Variants in AFAP1L2 observed in about 807,000 individuals in gnomAD.
AFAP1L2 encodes the protein actin filament-associated protein 1-like 2.
In AFAP1L2, 46 loss-of-function variants were observed where a neutral mutation model predicts 99.3. That is an observed-to-expected ratio of 0.46 (90% CI 0.37 to 0.59). The LOEUF (loss-of-function observed/expected upper bound fraction) is 0.59. AFAP1L2 is among the 20% of genes least tolerant of loss of function. The pLI is 0.00. For synonymous variants in AFAP1L2, 397 were observed against 419.1 expected, an observed-to-expected ratio of 0.95 and a Z score of 0.64; for missense variants, 959 against 1,034.9, an observed-to-expected ratio of 0.93 and a Z score of 1.01.
chr10:114,285,672 C>A, the AFAP1L2 span, among the ~76,000 whole-genome samples: 1 of 152,212 alleles, frequency 6.6e-6, no homozygotes, highest in Non-Finnish European at 1.5e-5. Flanking sequence ...TCAGGACACA[C>A]ACAGGACTAA....
downstream of AFAP1L2, among the ~76,000 whole-genome samples, chr10:114,292,183 A>G (rs1262269340): frequency 6.6e-6 from 1 of 152,088 alleles, no homozygotes; most frequent in African/African-American, 2.4e-5. Context: ...AGGCTGAGAC[A>G]GGAGAATGGC....
At chr10:114,393,374 C>T (rs897132558) in intron 1 of AFAP1L2, 4 of 152,202 alleles carry the variant, frequency 2.6e-5, no homozygotes, top group Non-Finnish European at 5.9e-5. Flanking sequence ...ATTGGTGAGC[C>T]CCTGTTCTCA....
In AFAP1L2 at chr10:114,297,065, ACAGT is replaced by A; in HGVS notation, c.2339_2342del (p.Asp780ValfsTer78). ...GTGTGGTTGCAGAGTTGACTGGGGT[ACAGT>A]CTGGGGCAGAGGCAGGTGTGACAGC... On this transcript the variant is annotated frameshift_variant, in exon 18 of 19. Coordinates refer to ENST00000304129, the MANE Select transcript of AFAP1L2 (RefSeq NM_001001936.3). LOFTEE classifies it high-confidence loss of function. 6.2e-7 allele frequency: 1 copy of A among 1,614,138 alleles called. No homozygotes were observed. The highest frequency in any genetic ancestry group is 8.5e-7 in the Non-Finnish European group (1 of 1,180,022).
At chr10:114,284,088 A>G in the AFAP1L2 span, among the ~76,000 whole-genome samples, 1 of 152,200 alleles carries the variant, frequency 6.6e-6, no homozygotes, top group African/African-American at 2.4e-5. Flanking sequence ...ATAATTGATA[A>G]GGAAAGCAAT....
At chr10:114,400,340 A>C (rs887289664) in intron 1 of AFAP1L2, among the ~76,000 whole-genome samples, 8 of 152,140 alleles carry the variant, frequency 5.3e-5, no homozygotes, top group Non-Finnish European at 1.0e-4. Flanking sequence ...TTGGCCTTTC[A>C]GCACCAAAAG....
chr10:114,375,973 CA>C (rs951386432), intron 1 of AFAP1L2, among the ~76,000 whole-genome samples: 4 of 151,934 alleles, frequency 2.6e-5, no homozygotes, highest in African/African-American at 9.7e-5. Context: ...ACAAAAAATA[CA>C]AAAAAACAAA....
At chr10:114,328,645 G>A (rs1484311812) in intron 4 of AFAP1L2, among the ~76,000 whole-genome samples, 1 of 152,210 alleles carries the variant, frequency 6.6e-6, no homozygotes, top group Non-Finnish European at 1.5e-5. Context: ...GGCTAGCATG[G>A]CCATGGGGTT....
At chr10:114,362,828 G>T in intron 1 of AFAP1L2, 3 of 631,398 alleles carry the variant, frequency 4.8e-6, no homozygotes, top group Non-Finnish European at 5.9e-6. Flanking sequence ...TTTTCCACTG[G>T]ATTATAAGAA....
chr10:114,353,440 A>G (rs1032424512), intron 1 of AFAP1L2, among the ~76,000 whole-genome samples: 1 of 152,194 alleles, frequency 6.6e-6, no homozygotes, highest in Admixed American at 6.5e-5. Flanking sequence ...CTACTAGCAC[A>G]TTGTTGGACC....
intron 9 of AFAP1L2, 74 bp from the exon 10 acceptor site, chr10:114,307,983 A>C (rs2042676156): frequency 7.5e-7 from 1 of 1,336,294 alleles, no homozygotes; most frequent in African/African-American, 1.4e-5. Context: ...TGGAAAAAAT[A>C]GCAAACCCAT....
intron 1 of AFAP1L2, among the ~76,000 whole-genome samples, chr10:114,357,815 T>C (rs559269411): frequency 6.6e-6 from 1 of 152,336 alleles, no homozygotes; most frequent in African/African-American, 2.4e-5. Flanking sequence ...AATCAACCAT[T>C]AGTCAATCAG....
At chr10:114,379,392 C>CA (rs2055291866) in intron 1 of AFAP1L2, among the ~76,000 whole-genome samples, 1 of 152,022 alleles carries the variant, frequency 6.6e-6, no homozygotes, top group Admixed American at 6.6e-5. Context: ...ACAAAGTCAG[C>CA]AAAATTGGGA....
In AFAP1L2 at chr10:114,389,257, A is replaced by AT. The variant is rs541345277; in HGVS notation, c.16+15182dup. Among the ~76,000 whole-genome samples, 7 of 152,148 alleles carry AT rather than the reference A, an allele frequency of 4.6e-5. No homozygotes were observed. The South Asian group carries it at 6.2e-4, about 14-fold the overall frequency. ...ATGGACCTCTGAATCTCAAAAAAGG[A>AT]TTTTTTTAAAAAAGAAAGCAACTAT... On this transcript the variant is annotated intron_variant, in intron 1 of 18. Transcript: ENST00000304129.
intron 1 of AFAP1L2, among the ~76,000 whole-genome samples, chr10:114,400,187 G>A (rs2138417669): frequency 6.6e-6 from 1 of 152,344 alleles, no homozygotes; most frequent in South Asian, 2.1e-4. Context: ...AAGGGAATTG[G>A]AAGAAAACTG....
At chr10:114,335,612 C>CAAAA (rs57598926) in intron 2 of AFAP1L2, among the ~76,000 whole-genome samples, 2 of 131,904 alleles carry the variant, frequency 1.5e-5, no homozygotes, top group Non-Finnish European at 3.2e-5. Flanking sequence ...GACTCCGTCT[C>CAAAA]AAAAAAAAAA....
intron 1 of AFAP1L2, among the ~76,000 whole-genome samples, chr10:114,402,946 CA>C (rs2058362074): frequency 6.6e-6 from 1 of 152,222 alleles, no homozygotes. Flanking sequence ...CCTGAATTCC[CA>C]GAGAGGGTCC....
intron 4 of AFAP1L2, among the ~76,000 whole-genome samples, chr10:114,324,547 G>A (rs1159470863): frequency 2.0e-5 from 3 of 152,250 alleles, no homozygotes; most frequent in Admixed American, 6.5e-5. Flanking sequence ...CACCATGCCC[G>A]TGGTGTCTTT....
At chr10:114,285,752 C>A in the AFAP1L2 span, among the ~76,000 whole-genome samples, 1 of 152,210 alleles carries the variant, frequency 6.6e-6, no homozygotes, top group Admixed American at 6.5e-5. Flanking sequence ...AGACCCTTAG[C>A]GAGTGCCAGG....
chr10:114,388,732 C>T lies in AFAP1L2; in HGVS notation c.16+15708G>A, dbSNP rs561052038. Reference sequence around the variant, plus strand: ...GGCTAATTAAGGACATCAGCACGTTCATTACAAAATCACACATCCTTTGAA... The same window carrying T: ...GGCTAATTAAGGACATCAGCACGTTTATTACAAAATCACACATCCTTTGAA... On this transcript the variant is annotated intron_variant, in intron 1 of 18. Coordinates refer to ENST00000304129, the MANE Select transcript of AFAP1L2 (RefSeq NM_001001936.3). Among the ~76,000 whole-genome samples, 5 of 152,308 alleles carry T rather than the reference C, an allele frequency of 3.3e-5. No individual in the cohort carries two copies. In the South Asian group the frequency reaches 8.3e-4, roughly 25 times the overall value.
Sources: gnomAD v4.1 joint callset for allele counts (sites outside exome capture counted in the v4.1 genomes callset) on GRCh38, gnomAD v4.1.1 for gene constraint, MANE v1.5 for transcripts, NCBI Gene and HGNC (gene_info 2026-07-23, HGNC 2026-07-21) for gene names.